The following PPM1L variants were observed in gnomAD, a reference collection of about 807,000 sequenced individuals.
PPM1L encodes the protein protein phosphatase 1L.
Under a neutral mutation model 31.4 loss-of-function variants are expected in PPM1L, and 13 were observed. The ratio of observed to expected loss-of-function variants is 0.41; its 90% confidence interval spans 0.27 to 0.66. The LOEUF is 0.66. Ranked by LOEUF, PPM1L falls within the 30% of genes least tolerant of loss-of-function variation. The pLI, the probability that PPM1L is intolerant of heterozygous loss-of-function variation, is 0.29. For missense variants in PPM1L, 326 were observed against 453.7 expected, an observed-to-expected ratio of 0.72 and a Z score of 2.56; for synonymous variants, 184 against 175.4, an observed-to-expected ratio of 1.05 and a Z score of -0.39.
At chr3:160,890,418 A>G (rs985305689) in intron 1 of PPM1L, among the ~76,000 whole-genome samples, 1 of 152,200 alleles carries the variant, frequency 6.6e-6, no homozygotes, top group East Asian at 1.9e-4. Context: ...ATACCTAGGA[A>G]TACAGCTAAC....
chr3:160,994,459 G>A (rs1270598043), intron 2 of PPM1L, among the ~76,000 whole-genome samples: 1 of 152,116 alleles, frequency 6.6e-6, no homozygotes, highest in Admixed American at 6.5e-5. Flanking sequence ...CCAAAACCTG[G>A]GGCCTCGATC....
At chr3:160,910,018 GT>G (rs1713900433) in intron 1 of PPM1L, among the ~76,000 whole-genome samples, 1 of 152,106 alleles carries the variant, frequency 6.6e-6, no homozygotes, top group Non-Finnish European at 1.5e-5. Context: ...GTCATGATAG[GT>G]CTTGTCATGA....
At chr3:160,916,216 A>G (rs1375801379) in intron 1 of PPM1L, among the ~76,000 whole-genome samples, 1 of 152,216 alleles carries the variant, frequency 6.6e-6, no homozygotes, top group East Asian at 1.9e-4. Context: ...TTTACAAGAA[A>G]AAAACAAACA....
At chr3:160,908,613 T>C (rs1391475137) in intron 1 of PPM1L, among the ~76,000 whole-genome samples, 1 of 152,196 alleles carries the variant, frequency 6.6e-6, no homozygotes, top group Non-Finnish European at 1.5e-5. Context: ...ACCAAATATT[T>C]ATGGAAACCT....
chr3:160,992,554 G>A (rs556103171), intron 2 of PPM1L, among the ~76,000 whole-genome samples: 3 of 152,334 alleles, frequency 2.0e-5, no homozygotes, highest in African/African-American at 4.8e-5. Flanking sequence ...ACCTGATTAG[G>A]AATGGTTTGA....
intron 1 of PPM1L, among the ~76,000 whole-genome samples, chr3:160,936,561 A>G (rs1220424872): frequency 6.6e-6 from 1 of 152,244 alleles, no homozygotes; most frequent in African/African-American, 2.4e-5. Flanking sequence ...ATTTTGAAAT[A>G]TGGTTTCAGA....
In PPM1L at chr3:160,895,084, G is replaced by A. The variant is rs546543699; in HGVS notation, c.400-66652G>A. ...AAAATAGAGGTTAGATGTAACCAGG[G>A]ACATTACTGTAGTATAGCCAACTTG... On this transcript the variant is annotated intron_variant, in intron 1 of 3. Transcript: ENST00000498165. 3.9e-5 allele frequency among the ~76,000 whole-genome samples: 6 copies of A among 152,282 alleles called. 1 individual carries two copies. Among genetic ancestry groups the A allele is most frequent in the African/African-American group, 1.4e-4 (6 of 41,560 alleles).
At chr3:160,934,966 CATCATTAA>C (rs994137123) in intron 1 of PPM1L, among the ~76,000 whole-genome samples, 1 of 152,046 alleles carries the variant, frequency 6.6e-6, no homozygotes, top group Admixed American at 6.6e-5. Flanking sequence ...AAAAAGATCA[CATCATTAA>C]ATCATGTTTT....
intron 1 of PPM1L, among the ~76,000 whole-genome samples, chr3:160,789,395 G>C (rs897016152): frequency 6.6e-6 from 1 of 151,866 alleles, no homozygotes; most frequent in Middle Eastern, 3.6e-3. Flanking sequence ...TGATAATTTT[G>C]CCTCTCACTC....
chr3:160,911,414 C>G (rs1408915568), intron 1 of PPM1L, among the ~76,000 whole-genome samples: 1 of 152,166 alleles, frequency 6.6e-6, no homozygotes. Flanking sequence ...CAGAGCAGAC[C>G]TTCTTAGCAA....
At chr3:160,937,997 G>T (rs1715035935) in intron 1 of PPM1L, among the ~76,000 whole-genome samples, 1 of 152,154 alleles carries the variant, frequency 6.6e-6, no homozygotes. Context: ...GTCCTGAAAT[G>T]TTAAGTGATT....
At chr3:160,950,414 C>T (rs2108097483) in intron 1 of PPM1L, among the ~76,000 whole-genome samples, 1 of 152,276 alleles carries the variant, frequency 6.6e-6, no homozygotes, top group African/African-American at 2.4e-5. Flanking sequence ...CTAAATAAGG[C>T]AGTTACCAGC....
At chr3:160,758,765 A>C (rs572614941) in intron 1 of PPM1L, among the ~76,000 whole-genome samples, 14 of 152,226 alleles carry the variant, frequency 9.2e-5, no homozygotes, top group Admixed American at 9.2e-4. Context: ...TTACACGTAC[A>C]TGGCTTGTCA....
chr3:160,834,119 G>GT lies in PPM1L; in HGVS notation c.399+77414dup, dbSNP rs573261052. Among the ~76,000 whole-genome samples the GT allele has an allele frequency of 6.1e-4, 93 of 151,320 alleles. 1 individual carries two copies. In the South Asian group the frequency reaches 0.011, roughly 17 times the overall value. On this transcript the variant is annotated intron_variant, in intron 1 of 3. Coordinates refer to ENST00000498165, the MANE Select transcript of PPM1L (RefSeq NM_139245.4). Reference sequence around the variant, plus strand: ...GTTCACTGCAAGCTCCGCCTCCTGGGTTCACGCCATTCTCCTGCCTCAGCC... The same window carrying GT: ...GTTCACTGCAAGCTCCGCCTCCTGGGTTTCACGCCATTCTCCTGCCTCAGCC...
At chr3:160,846,902 C>A (rs1330814063) in intron 1 of PPM1L, among the ~76,000 whole-genome samples, 4 of 151,796 alleles carry the variant, frequency 2.6e-5, no homozygotes, top group Non-Finnish European at 5.9e-5. Flanking sequence ...TAGCTTACTT[C>A]AAAATATATT....
At chr3:161,041,125 C>T (rs984555838) in intron 2 of PPM1L, among the ~76,000 whole-genome samples, 1 of 152,184 alleles carries the variant, frequency 6.6e-6, no homozygotes, top group Non-Finnish European at 1.5e-5. Flanking sequence ...TTTATCTTAA[C>T]CTGGACATTT....
chr3:160,756,787 G>GTC lies in PPM1L; in HGVS notation c.399+81_399+82insCT. ...TGTGTGTGTGTGTGTGTGTGTGTGT[G>GTC]TGTATAAACAACAGGACAGCGTGTG... On this transcript the variant is annotated intron_variant, in intron 1 of 3. Transcript: ENST00000498165. This position sits in a 1 kb window ranked among gnomAD's most constrained non-coding sequence, Gnocchi z 6.2. 1 of 1,350,496 alleles carries GTC rather than the reference G, an allele frequency of 7.4e-7. No homozygotes were observed. Among genetic ancestry groups the GTC allele is most frequent in the Non-Finnish European group, 1.0e-6 (1 of 994,760 alleles). The allele number at this position is 1,350,496 out of a possible 1,614,324, so 83.7% of individuals were successfully genotyped here.
rs1464934912 is a variant in PPM1L, at chr3:161,072,244, T to A, written c.*3087T>A. 6.6e-6 allele frequency: 1 copy of A among 152,268 alleles called. No individual in the cohort carries two copies. The highest frequency in any genetic ancestry group is 1.5e-5 in the Non-Finnish European group (1 of 68,050). 9.4% of individuals were successfully genotyped at this position (152,268 alleles called of 1,614,324 possible). On this transcript the variant is annotated 3_prime_UTR_variant, in exon 4 of 4. Transcript: ENST00000498165. ...CAAGACCTGTATTATTTATTTTATA[T>A]GACCAACTTGCCCCAAGGCAATTAA... is the stretch of plus-strand genomic sequence containing the variant.
chr3:160,987,835 A>G (rs1404826757), intron 2 of PPM1L, among the ~76,000 whole-genome samples: 2 of 152,240 alleles, frequency 1.3e-5, no homozygotes, highest in Non-Finnish European at 2.9e-5. Flanking sequence ...GTTTTAAACT[A>G]AATAATAAAA....
Sources: allele counts gnomAD v4.1 joint callset (sites outside exome capture counted in the v4.1 genomes callset), GRCh38; gene constraint gnomAD v4.1.1; non-coding constraint Gnocchi (gnomAD v3.1); transcripts MANE v1.5; gene names NCBI Gene and HGNC (gene_info 2026-07-23, HGNC 2026-07-21).